Variants in CCDC88C observed in about 807,000 individuals in gnomAD.
CCDC88C encodes the protein protein Daple.
CCDC88C carries 131 observed loss-of-function variants against 198.8 expected under a neutral mutation model. The observed-to-expected ratio is 0.66, with a 90% CI of 0.57 to 0.76. CCDC88C has a LOEUF of 0.76. Among genes scored for constraint, CCDC88C ranks in the 30% least tolerant of loss-of-function variants. The pLI, the probability that CCDC88C is intolerant of heterozygous loss-of-function variation, is 0.00. For missense variants in CCDC88C, 2,553 were observed against 2,631.6 expected, an observed-to-expected ratio of 0.97 and a Z score of 0.65; for synonymous variants, 1,166 against 1,114.7, an observed-to-expected ratio of 1.05 and a Z score of -0.92.
chr14:91,401,460 G>A (rs1022930744), intron 3 of CCDC88C, among the ~76,000 whole-genome samples: 3 of 150,722 alleles, frequency 2.0e-5, no homozygotes, highest in African/African-American at 7.3e-5. Flanking sequence ...TCAACCTCCT[G>A]AGTAGCTGGG....
Position 91,325,885 on chromosome 14 carries a change from G to A in CCDC88C, c.1197+25C>T, listed in dbSNP as rs1367948763. 6.5e-7 allele frequency: 1 copy of A among 1,542,358 alleles called. No homozygotes were observed. The highest frequency in any genetic ancestry group is 2.0e-5 in the Admixed American group (1 of 50,410). On this transcript the variant is annotated intron_variant, in intron 11 of 29. Transcript: ENST00000389857. This position sits in a 1 kb window ranked among gnomAD's most constrained non-coding sequence, Gnocchi z 4.1. Reference sequence around the variant, plus strand: ...TGCCCGAGCCCAATCTGTTTTCAATGTAGTAACAACACAGCCTGCAGTACC... The same window carrying A: ...TGCCCGAGCCCAATCTGTTTTCAATATAGTAACAACACAGCCTGCAGTACC...
At chr14:91,291,678 C>T (rs1890668000) in intron 23 of CCDC88C, among the ~76,000 whole-genome samples, 2 of 152,030 alleles carry the variant, frequency 1.3e-5, no homozygotes, top group Admixed American at 1.3e-4. Context: ...TCCGGCAGAC[C>T]CTGCTGCCAC....
Position 91,315,725 on chromosome 14 carries a change from G to A in CCDC88C, c.1590C>T (p.Leu530=). ...CCTTCTCTCTGATCAGCTCCTCACT[G>A]AGGGTCTCCAGATCTTGGTTGCTCT... ...EKQSNQDLET[L]SEELIREKEQ... The change falls in exon 14 of 30, where the codon CTC becomes CTT. Residue 530 remains leucine, a synonymous_variant. Transcript: ENST00000389857. 1.2e-6 allele frequency: 2 copies of A among 1,613,822 alleles called. No individual in the cohort carries two copies. The highest frequency in any genetic ancestry group is 1.7e-6 in the Non-Finnish European group (2 of 1,179,820).
chr14:91,289,144 C>T lies in CCDC88C; in HGVS notation c.4402G>A (p.Ala1468Thr). 6.2e-7 allele frequency: 1 copy of T among 1,613,580 alleles called. No homozygotes were observed. The highest frequency in any genetic ancestry group is 8.5e-7 in the Non-Finnish European group (1 of 1,179,860). Residue 1468 changes from alanine (A) to threonine (T), a missense_variant, in exon 25 of 30, where the codon GCA (alanine) becomes ACA (threonine). This residue lies in a region of CCDC88C where 1,293 missense variants were observed against 1,219.6 expected (regional missense o/e 1.06). Coordinates refer to ENST00000389857, the MANE Select transcript of CCDC88C (RefSeq NM_001080414.4). ...PDTPALGSNC[A>T]EERDAHNGSV... ...CCGTTGTGGGCGTCGCGCTCTTCTG[C>T]ACAGTTGGAGCCCAGTGCGGGGGTG...
intron 4 of CCDC88C, 45 bp downstream of exon 4, chr14:91,359,597 C>T (rs1470592563): frequency 6.6e-7 from 1 of 1,522,402 alleles, no homozygotes; most frequent in South Asian, 1.2e-5. Context: ...AACGCCATGC[C>T]TCTGGCTGGG....
chr14:91,299,911 G>C lies in CCDC88C; in HGVS notation c.3779+16C>G. The C allele has an allele frequency of 6.4e-7, 1 of 1,574,098 alleles. No individual in the cohort carries two copies. The highest frequency in any genetic ancestry group is 8.6e-7 in the Non-Finnish European group (1 of 1,165,776). On this transcript the variant is annotated intron_variant, in intron 21 of 29. Coordinates refer to ENST00000389857, the MANE Select transcript of CCDC88C (RefSeq NM_001080414.4). Reference sequence around the variant, plus strand: ...CTGGGGTGCTGCTATGTGCAGGGCCGGGCGCCGGCGCTCACCTGTCCAGCT... The same window carrying C: ...CTGGGGTGCTGCTATGTGCAGGGCCCGGCGCCGGCGCTCACCTGTCCAGCT...
chr14:91,301,936 G>T (rs1891312146), intron 20 of CCDC88C, among the ~76,000 whole-genome samples: 1 of 152,146 alleles, frequency 6.6e-6, no homozygotes, highest in African/African-American at 2.4e-5. Context: ...CAAGATGGGT[G>T]GGGGAAGACG....
intron 3 of CCDC88C, among the ~76,000 whole-genome samples, chr14:91,377,552 C>A (rs151329545): frequency 3.5e-4 from 54 of 152,234 alleles, no homozygotes; most frequent in African/African-American, 7.9e-4. Context: ...ATGGCCCCCC[C>A]CCGGTGCCAC....
intron 3 of CCDC88C, among the ~76,000 whole-genome samples, chr14:91,401,816 A>G (rs920147574): frequency 6.6e-6 from 1 of 152,222 alleles, no homozygotes; most frequent in African/African-American, 2.4e-5. Context: ...CTCTTGTACC[A>G]GTAGCCATTG....
In CCDC88C at chr14:91,314,030, G is replaced by A; in HGVS notation, c.1786C>T (p.His596Tyr). 1 of 1,613,930 alleles carries A rather than the reference G, an allele frequency of 6.2e-7. No individual in the cohort carries two copies. The highest frequency in any genetic ancestry group is 8.5e-7 in the Non-Finnish European group (1 of 1,179,872). The change falls in exon 15 of 30, where the codon CAC (histidine) becomes TAC (tyrosine). Residue 596 changes from histidine (H) to tyrosine (Y), a missense_variant. This residue lies in a region of CCDC88C where 1,260 missense variants were observed against 1,412.0 expected (regional missense o/e 0.89). Coordinates refer to ENST00000389857, the MANE Select transcript of CCDC88C (RefSeq NM_001080414.4). ...KDVEKENKAL[H>Y]QTVTEANGKL... ...CCATTGGCCTCCGTCACCGTCTGGT[G>A]GAGGGCTTTGTTCTCCTTCTCCACG...
intron 25 of CCDC88C, among the ~76,000 whole-genome samples, chr14:91,286,804 G>A (rs1890427566): frequency 6.6e-6 from 1 of 152,202 alleles, no homozygotes; most frequent in Admixed American, 6.5e-5. Flanking sequence ...TCAGGCTCCG[G>A]AGTGCGGCCG....
chr14:91,351,501 C>T (rs1453575096), intron 4 of CCDC88C, among the ~76,000 whole-genome samples: 1 of 152,076 alleles, frequency 6.6e-6, no homozygotes, highest in Admixed American at 6.5e-5. Flanking sequence ...GAGAGTTCCC[C>T]GTGGGTGGGC....
At position 91,307,118 on chromosome 14, in the gene CCDC88C, C is replaced by T; in HGVS notation, c.3115G>A (p.Glu1039Lys). The T allele has an allele frequency of 6.2e-7, 1 of 1,613,992 alleles. No individual in the cohort carries two copies. Among genetic ancestry groups the T allele is most frequent in the Non-Finnish European group, 8.5e-7 (1 of 1,179,898 alleles). ...TCCTTATGGCCGGGCCCCCAGGCCT[C>T]CTTCCCCTGGTGACTGGCGGCTGTC... ...GKTAASHQGK[E>K]AWGPGHKEAT... The change falls in exon 18 of 30, where the codon GAG becomes AAG. Residue 1039 changes from glutamate (E) to lysine (K), a missense_variant. By Grantham distance (56) the Glu-to-Lys change is moderately conservative. This residue lies in a region of CCDC88C where 1,260 missense variants were observed against 1,412.0 expected (regional missense o/e 0.89). Transcript: ENST00000389857.
In CCDC88C at chr14:91,339,823, A is replaced by T. The variant is rs1893231994; in HGVS notation, c.624+61T>A. The T allele has an allele frequency of 7.4e-6, 11 of 1,488,218 alleles. No individual in the cohort carries two copies. The Admixed American group carries it at 9.2e-5, about 12-fold the overall frequency. The allele number at this position is 1,488,218 out of a possible 1,614,324, so 92.2% of individuals were successfully genotyped here. ...GCGTCTAGGCTGAAGATGAAGGGAG[A>T]GGAGATGAAGGGGCCTAAGCCCCTT... On this transcript the variant is annotated intron_variant, in intron 7 of 29. Transcript: ENST00000389857. This position sits in a 1 kb window ranked among gnomAD's most constrained non-coding sequence, Gnocchi z 5.8.
At chr14:91,285,480 A>G in intron 25 of CCDC88C, 1 of 464,414 alleles carries the variant, frequency 2.2e-6, no homozygotes, top group Non-Finnish European at 4.0e-6. Flanking sequence ...GAAATGGTCC[A>G]GGGAGTGTGA....
rs1468018443 is a variant in CCDC88C at position 91,284,383 on chromosome 14, C to G, written c.4442-866G>C. Among the ~76,000 whole-genome samples the G allele has an allele frequency of 6.6e-6, 1 of 152,152 alleles. No individual in the cohort carries two copies. Among genetic ancestry groups the G allele is most frequent in the Non-Finnish European group, 1.5e-5 (1 of 68,024 alleles). The stretch of plus-strand genomic sequence containing the variant: ...ACTGTGCAGTTTTAAGTGCCCAGAG[C>G]TGATGATTTGAAATCAAGGGGAAAT... On this transcript the variant is annotated intron_variant, in intron 25 of 29. Coordinates refer to ENST00000389857, the MANE Select transcript of CCDC88C (RefSeq NM_001080414.4). This position sits in a 1 kb window ranked among gnomAD's most constrained non-coding sequence, Gnocchi z 4.1.
At chr14:91,377,709 G>A (rs1884525152) in intron 3 of CCDC88C, among the ~76,000 whole-genome samples, 2 of 152,192 alleles carry the variant, frequency 1.3e-5, no homozygotes, top group Admixed American at 1.3e-4. Flanking sequence ...TAAAAATTGT[G>A]ACTTACACAA....
At chr14:91,345,184 A>ATTT (rs1458769741) in intron 4 of CCDC88C, among the ~76,000 whole-genome samples, 14 of 67,564 alleles carry the variant, frequency 2.1e-4, no homozygotes, top group African/African-American at 7.2e-4. Context: ...ATATATATAT[A>ATTT]TATATATTTT....
chr14:91,407,617 C>T lies in CCDC88C; in HGVS notation c.270+1042G>A, dbSNP rs181467981. Reference sequence around the variant, plus strand: ...GTGCACTGGGCTTCACCTGGGTTCTCGAGAAAAATCATATGGGGGGAACGT... The same window carrying T: ...GTGCACTGGGCTTCACCTGGGTTCTTGAGAAAAATCATATGGGGGGAACGT... On this transcript the variant is annotated intron_variant, in intron 3 of 29. Coordinates refer to ENST00000389857, the MANE Select transcript of CCDC88C (RefSeq NM_001080414.4). 3.3e-3 allele frequency among the ~76,000 whole-genome samples: 497 copies of T among 152,128 alleles called. 4 individuals are homozygous for T. The highest frequency in any genetic ancestry group is 0.011 in the African/African-American group (451 of 41,490).
Sources: allele counts gnomAD v4.1 joint callset (sites outside exome capture counted in the v4.1 genomes callset), GRCh38; gene constraint gnomAD v4.1.1; regional missense constraint gnomAD v4.1.1; non-coding constraint Gnocchi (gnomAD v3.1); transcripts MANE v1.5; gene names NCBI Gene and HGNC (gene_info 2026-07-23, HGNC 2026-07-21).